DCDC1: variants seen among roughly 807,000 people sequenced by gnomAD.
The protein encoded by DCDC1 is doublecortin domain-containing protein 1.
In DCDC1, 200 loss-of-function variants were observed where a neutral mutation model predicts 178.3. The ratio of observed to expected loss-of-function variants is 1.12; its 90% CI spans 1.00 to 1.26. DCDC1 has a LOEUF of 1.26. DCDC1 is among the 50% of genes most tolerant of loss of function. DCDC1 has a pLI of 0.00. For synonymous variants in DCDC1, 690 were observed against 604.8 expected (o/e 1.14, Z -2.07); for missense variants, 1,983 against 1,749.2 (o/e 1.13, Z -2.38).
At position 30,949,465 on chromosome 11, in the gene DCDC1, G is replaced by C. The variant is rs146115883; in HGVS notation, c.2715+2980C>G. ...AGTGTGGTGATTCCTCAAGGATCTA[G>C]AACCAGAAATGCCATATGACCCAGC... On this transcript the variant is annotated intron_variant, in intron 21 of 38. Coordinates refer to ENST00000684477, the MANE Select transcript of DCDC1 (RefSeq NM_001387274.1). 1.2e-3 allele frequency among the ~76,000 whole-genome samples: 178 copies of C among 152,274 alleles called. 1 individual carries two copies. The highest frequency in any genetic ancestry group is 3.9e-3 in the African/African-American group (161 of 41,556).
chr11:30,942,620 G>A (rs1947731160), intron 21 of DCDC1, among the ~76,000 whole-genome samples: 1 of 152,144 alleles, frequency 6.6e-6, no homozygotes, highest in South Asian at 2.1e-4. Flanking sequence ...CTATATTTCT[G>A]ATGAACATAT....
At chr11:31,342,614 G>C (rs1028296253) in intron 1 of DCDC1, among the ~76,000 whole-genome samples, 7 of 152,106 alleles carry the variant, frequency 4.6e-5, no homozygotes, top group African/African-American at 1.7e-4. Flanking sequence ...TGATAGGAGG[G>C]GTGAGGCTCT....
intron 20 of DCDC1, among the ~76,000 whole-genome samples, chr11:30,958,894 G>T (rs1413583864): frequency 6.6e-6 from 1 of 152,078 alleles, no homozygotes; most frequent in Admixed American, 6.6e-5. Context: ...GGAGGCAAAG[G>T]TCTGAAACCC....
intron 20 of DCDC1, among the ~76,000 whole-genome samples, chr11:31,043,823 CT>C (rs61372876): frequency 0.022 from 3,146 of 142,148 alleles, 44 homozygotes; most frequent in African/African-American, 0.043. Context: ...TTTTTGTTTT[CT>C]TTTTTTTTTT....
At chr11:30,929,828 C>T (rs1946821347) in intron 22 of DCDC1, among the ~76,000 whole-genome samples, 1 of 151,946 alleles carries the variant, frequency 6.6e-6, no homozygotes, top group Non-Finnish European at 1.5e-5. Flanking sequence ...TATATAAACT[C>T]GACAGTCACT....
chr11:31,127,742 A>G (rs1961852517), intron 10 of DCDC1, 103 bp from the exon 11 acceptor site: 1 of 630,688 alleles, frequency 1.6e-6, no homozygotes. Context: ...AATGACTTCA[A>G]TACAGGAATT....
At position 31,126,266 on chromosome 11, in the gene DCDC1, T is replaced by C. The variant is rs925339897; in HGVS notation, c.1485+1203A>G. Among the ~76,000 whole-genome samples the C allele has an allele frequency of 3.3e-5, 5 of 152,154 alleles. No homozygotes were observed. The South Asian group carries it at 1.0e-3, about 32-fold the overall frequency. On this transcript the variant is annotated intron_variant, in intron 11 of 38. Transcript: ENST00000684477. Reference sequence around the variant, plus strand: ...TCTCTCTTAATCAATAGCAAGTACTTTGCAAAATTGCAGAATGGATTTGTA... The same window carrying C: ...TCTCTCTTAATCAATAGCAAGTACTCTGCAAAATTGCAGAATGGATTTGTA...
intron 20 of DCDC1, among the ~76,000 whole-genome samples, chr11:30,991,954 T>G (rs1382152128): frequency 6.6e-6 from 1 of 152,180 alleles, no homozygotes; most frequent in Non-Finnish European, 1.5e-5. Flanking sequence ...ATATGTAATA[T>G]TCATTCAACA....
chr11:31,206,133 A>T (rs943831212), intron 9 of DCDC1, among the ~76,000 whole-genome samples: 1 of 152,198 alleles, frequency 6.6e-6, no homozygotes, highest in African/African-American at 2.4e-5. Flanking sequence ...TCATCAATGG[A>T]TATTAAAACC....
intron 21 of DCDC1, among the ~76,000 whole-genome samples, chr11:30,942,980 G>A (rs544418742): frequency 1.4e-4 from 21 of 152,282 alleles, no homozygotes; most frequent in African/African-American, 3.6e-4. Flanking sequence ...GAAATAAGGC[G>A]TTGGGATAAT....
At chr11:31,357,389 G>C (rs7480602) in intron 1 of DCDC1, among the ~76,000 whole-genome samples, 35,892 of 119,672 alleles carry the variant, frequency 0.3, 5,883 homozygotes, top group African/African-American at 0.37. Flanking sequence ...ATTCAACTAC[G>C]CTTCATGCTA....
At chr11:30,930,867 A>C (rs754656834) in intron 22 of DCDC1, among the ~76,000 whole-genome samples, 7 of 152,192 alleles carry the variant, frequency 4.6e-5, no homozygotes, top group Non-Finnish European at 8.8e-5. Context: ...GTATGCGTCA[A>C]AGAATTCAAT....
intron 8 of DCDC1, among the ~76,000 whole-genome samples, chr11:31,258,979 T>C (rs901658264): frequency 6.6e-6 from 1 of 152,020 alleles, no homozygotes; most frequent in Non-Finnish European, 1.5e-5. Context: ...AAGGGAAAAA[T>C]GATACCTCAA....
chr11:31,198,543 C>A (rs1380165636), intron 9 of DCDC1, among the ~76,000 whole-genome samples: 1 of 151,928 alleles, frequency 6.6e-6, no homozygotes. Flanking sequence ...GGAGCTAAAC[C>A]TCTGCCACTA....
At chr11:31,025,227 T>C (rs1456392638) in intron 20 of DCDC1, among the ~76,000 whole-genome samples, 1 of 151,712 alleles carries the variant, frequency 6.6e-6, no homozygotes. Flanking sequence ...AAATATAAGG[T>C]TACTTCTATT....
intron 20 of DCDC1, among the ~76,000 whole-genome samples, chr11:30,971,535 C>T (rs1321094450): frequency 2.0e-5 from 3 of 149,520 alleles, no homozygotes; most frequent in East Asian, 2.0e-4. Context: ...TAAAAAAATA[C>T]ATTTGAGAGC....
intron 20 of DCDC1, among the ~76,000 whole-genome samples, chr11:30,973,476 C>G (rs977296139): frequency 6.6e-6 from 1 of 151,912 alleles, no homozygotes. Flanking sequence ...TACAGCAATG[C>G]GAGAACACAT....
rs543229341 is a variant in DCDC1 at position 30,873,414 on chromosome 11, T to C, written c.*40+5130A>G. ...CAAACTGGTATATACATGAATTAAG[T>C]GTTAGAAAAACTAATTTTCTTTGTA... On this transcript the variant is annotated intron_variant, in intron 38 of 38. Coordinates refer to ENST00000684477, the MANE Select transcript of DCDC1 (RefSeq NM_001387274.1). 9.3e-5 allele frequency among the ~76,000 whole-genome samples: 14 copies of C among 150,616 alleles called. No individual in the cohort carries two copies. The South Asian group carries it at 2.7e-3, about 29-fold the overall frequency.
intron 36 of DCDC1, among the ~76,000 whole-genome samples, chr11:30,886,726 G>A (rs1943202084): frequency 6.6e-6 from 1 of 151,790 alleles, no homozygotes; most frequent in South Asian, 2.1e-4. Context: ...ATAAATTTTG[G>A]GGCACAATTC....
Sources: allele counts gnomAD v4.1 joint callset (sites outside exome capture counted in the v4.1 genomes callset), GRCh38; gene constraint gnomAD v4.1.1; transcripts MANE v1.5; gene names NCBI Gene and HGNC (gene_info 2026-07-23, HGNC 2026-07-21).